SHROOM2: variants seen among roughly 807,000 people sequenced by gnomAD.
The protein encoded by SHROOM2 is protein Shroom2.
In SHROOM2, 33 loss-of-function variants were observed where a neutral mutation model predicts 75.9. The observed-to-expected ratio is 0.43, with a 90% CI of 0.33 to 0.58. The LOEUF is 0.58. Among genes scored for constraint, SHROOM2 ranks in the 20% least tolerant of loss-of-function variants. The probability of loss-of-function intolerance (pLI) is 0.04; values close to 1 mark genes in which losing one functional copy is unlikely to be tolerated. For synonymous variants in SHROOM2, 655 were observed against 663.6 expected (o/e 0.99, Z 0.20); for missense variants, 1,434 against 1,461.2 (o/e 0.98, Z 0.30).
At chrX:9,858,662 G>A (rs949373631) in intron 1 of SHROOM2, among the ~76,000 whole-genome samples, 8 of 111,241 alleles carry the variant, frequency 7.2e-5, no homozygotes, top group African/African-American at 2.0e-4. Context: ...ACAATTAGCC[G>A]GGTGTGGTGG....
chrX:9,810,615 G>A (rs1279709108), intron 1 of SHROOM2, among the ~76,000 whole-genome samples: 3 of 110,623 alleles, frequency 2.7e-5, no homozygotes, highest in Non-Finnish European at 3.8e-5. Context: ...CCAGCAGAAC[G>A]TAATGTTGCA....
At chrX:9,879,174 G>A (rs2084218134) in intron 2 of SHROOM2, among the ~76,000 whole-genome samples, 1 of 111,840 alleles carries the variant, frequency 8.9e-6, no homozygotes, top group African/African-American at 3.2e-5. Context: ...CTGGGCTCAA[G>A]TGATCCTCTT....
chrX:9,926,504 G>A (rs2084595509), intron 5 of SHROOM2, among the ~76,000 whole-genome samples: 1 of 111,371 alleles, frequency 9.0e-6, no homozygotes, highest in African/African-American at 3.3e-5. Context: ...TGCCATTGCC[G>A]TGCTGCTTAC....
At position 9,793,000 on chromosome X, in the gene SHROOM2, G is replaced by A. The variant is rs149458342; in HGVS notation, c.165+6290G>A. On this transcript the variant is annotated intron_variant, in intron 1 of 9. Coordinates refer to ENST00000380913, the MANE Select transcript of SHROOM2 (RefSeq NM_001649.4). ...GCTGGGATTATAGGCATGAGCCATC[G>A]TGACACGCTAGGAGTGTCAGTGTAT... 4.5e-3 allele frequency among the ~76,000 whole-genome samples: 502 copies of A among 111,654 alleles called. 2 individuals are homozygous for A. The highest frequency in any genetic ancestry group is 0.016 in the African/African-American group (482 of 30,695).
rs1569132558 is a variant in SHROOM2, at chrX:9,791,968, C to CGAGAATAGAATAGAA, written c.165+5259_165+5273dup. Among the ~76,000 whole-genome samples the CGAGAATAGAATAGAA allele has an allele frequency of 2.2e-4, 14 of 62,802 alleles. 3 individuals carry two copies. The highest frequency in any genetic ancestry group is 4.5e-4 in the Non-Finnish European group (14 of 31,029). The allele number at this position is 62,802 out of a possible 115,157, so 54.5% of individuals were successfully genotyped here. On this transcript the variant is annotated intron_variant, in intron 1 of 9. Coordinates refer to ENST00000380913, the MANE Select transcript of SHROOM2 (RefSeq NM_001649.4). ...GGGCAACAGGAGCAAAACTCCATCT[C>CGAGAATAGAATAGAA]GAGAATAGAATAGAATAGAATAGAA...
intron 1 of SHROOM2, among the ~76,000 whole-genome samples, chrX:9,817,147 A>AT (rs1462101588): frequency 9.2e-6 from 1 of 109,162 alleles, no homozygotes; most frequent in Non-Finnish European, 1.9e-5. Context: ...TAATTTCTGT[A>AT]TTTTTTGTAG....
At chrX:9,813,183 T>A (rs757041555) in intron 1 of SHROOM2, among the ~76,000 whole-genome samples, 1 of 111,822 alleles carries the variant, frequency 8.9e-6, no homozygotes, top group East Asian at 2.8e-4. Flanking sequence ...CACTGGGCCT[T>A]TCCCACCATA....
chrX:9,851,783 A>G (rs764269686), intron 1 of SHROOM2, among the ~76,000 whole-genome samples: 20 of 110,489 alleles, frequency 1.8e-4, no homozygotes, highest in Non-Finnish European at 3.4e-4. Flanking sequence ...GACACAAGAC[A>G]TTTCCATCCC....
intron 2 of SHROOM2, chrX:9,874,665 CTAAT>C (rs2061084088): frequency 1.8e-5 from 2 of 110,878 alleles, no homozygotes; most frequent in Admixed American, 1.9e-4. Flanking sequence ...CTGGTTGTGA[CTAAT>C]TATTTGTAAA....
intron 1 of SHROOM2, among the ~76,000 whole-genome samples, chrX:9,810,356 C>T (rs1027518227): frequency 4.6e-4 from 51 of 111,128 alleles, no homozygotes; most frequent in Admixed American, 1.6e-3. Flanking sequence ...TACTAAGAGA[C>T]GCCCTAATGG....
intron 1 of SHROOM2, among the ~76,000 whole-genome samples, chrX:9,837,095 G>T (rs1055516361): frequency 2.7e-5 from 3 of 112,515 alleles, no homozygotes; most frequent in Non-Finnish European, 5.6e-5. Flanking sequence ...CAGACTGACC[G>T]CATGGTGCTG....
intron 1 of SHROOM2, among the ~76,000 whole-genome samples, chrX:9,858,859 G>A (rs779452181): frequency 7.2e-5 from 8 of 111,488 alleles, no homozygotes; most frequent in African/African-American, 9.8e-5. Flanking sequence ...GCAGGTCTGC[G>A]TTCTGTGTTG....
At chrX:9,820,977 A>G (rs2083850260) in intron 1 of SHROOM2, among the ~76,000 whole-genome samples, 1 of 112,448 alleles carries the variant, frequency 8.9e-6, no homozygotes, top group Non-Finnish European at 1.9e-5. Context: ...TTGAGCAGTA[A>G]TTGGCATCCT....
Position 9,933,314 on chromosome X carries a change from T to C in SHROOM2, c.3587+444T>C, listed in dbSNP as rs185671151. On this transcript the variant is annotated intron_variant, in intron 6 of 9. Coordinates refer to ENST00000380913, the MANE Select transcript of SHROOM2 (RefSeq NM_001649.4). ...TGTCCAGTATTTTCTTACTCCTTTT[T>C]TTCCAGATTTTTTTTTAATGTTAGA... Among the ~76,000 whole-genome samples, 341 of 111,410 alleles carry C rather than the reference T, an allele frequency of 3.1e-3. 1 individual carries two copies. Among genetic ancestry groups the C allele is most frequent in the Non-Finnish European group, 3.1e-3 (165 of 53,112 alleles).
chrX:9,792,048 A>G (rs1159946465), intron 1 of SHROOM2, among the ~76,000 whole-genome samples: 5 of 27,322 alleles, frequency 1.8e-4, no homozygotes, highest in African/African-American at 4.6e-4. Flanking sequence ...ATAGAATAGA[A>G]TAGAATAGAA....
chrX:9,822,759 G>T (rs2083859524), intron 1 of SHROOM2, among the ~76,000 whole-genome samples: 1 of 111,838 alleles, frequency 8.9e-6, no homozygotes, highest in Admixed American at 9.4e-5. Context: ...GCTCCTCTCT[G>T]CCCAGGTGTG....
At chrX:9,930,380 TG>T (rs765501413) in intron 5 of SHROOM2, among the ~76,000 whole-genome samples, 2 of 109,429 alleles carry the variant, frequency 1.8e-5, no homozygotes, top group Non-Finnish European at 3.8e-5. Flanking sequence ...CTGGGTGTGG[TG>T]GTGCACACCT....
In SHROOM2 at chrX:9,908,648, AG is replaced by A. The variant is rs1194926057; in HGVS notation, c.2891+10361del. Among the ~76,000 whole-genome samples the A allele has an allele frequency of 1.3e-4, 15 of 111,200 alleles. No individual in the cohort carries two copies. In the Admixed American group the frequency reaches 1.5e-3, roughly 11 times the overall value. On this transcript the variant is annotated intron_variant, in intron 5 of 9. Coordinates refer to ENST00000380913, the MANE Select transcript of SHROOM2 (RefSeq NM_001649.4). ...CTTTCTGTTTAGAAGGAATTCTTGG[AG>A]GGTCTCCTTTAAGAGTGGATTCCTA...
intron 1 of SHROOM2, chrX:9,819,498 G>C: frequency 3.9e-6 from 1 of 257,706 alleles, no homozygotes. Flanking sequence ...TTATCAATAA[G>C]ATGAAGAGAT....
Sources: allele counts gnomAD v4.1 joint callset (sites outside exome capture counted in the v4.1 genomes callset), GRCh38; gene constraint gnomAD v4.1.1; transcripts MANE v1.5; gene names NCBI Gene and HGNC (gene_info 2026-07-23, HGNC 2026-07-21).